The following CHST11 variants were observed in gnomAD, a reference collection of about 807,000 sequenced individuals.
CHST11 encodes the protein carbohydrate sulfotransferase 11.
In CHST11, 9 loss-of-function variants were observed where a neutral mutation model predicts 30.4. That is an observed-to-expected ratio of 0.30 (90% CI 0.18 to 0.52). The LOEUF is 0.52. Among genes scored for constraint, CHST11 ranks in the 20% least tolerant of loss-of-function variants. The pLI is 0.97. For synonymous variants in CHST11, 152 were observed against 187.8 expected, an observed-to-expected ratio of 0.81 and a Z score of 1.56; for missense variants, 348 against 460.6, an observed-to-expected ratio of 0.76 and a Z score of 2.24.
intron 1 of CHST11, among the ~76,000 whole-genome samples, chr12:104,584,175 A>AT (rs1449019938): frequency 6.6e-6 from 1 of 152,028 alleles, no homozygotes; most frequent in African/African-American, 2.4e-5. Flanking sequence ...TTGAGTCATC[A>AT]TTTTTAGTGG....
At chr12:104,756,653 T>G (rs2040478841) in intron 2 of CHST11, among the ~76,000 whole-genome samples, 1 of 151,960 alleles carries the variant, frequency 6.6e-6, no homozygotes, top group Non-Finnish European at 1.5e-5. Flanking sequence ...GCTTAAGTGA[T>G]TCTCCTGCTT....
intron 1 of CHST11, among the ~76,000 whole-genome samples, chr12:104,575,382 G>A (rs944542691): frequency 3.3e-5 from 5 of 152,120 alleles, no homozygotes; most frequent in African/African-American, 1.2e-4. Context: ...TGCCATTAAG[G>A]GATGCAGGAG....
At chr12:104,539,010 G>A (rs2038263503) in intron 1 of CHST11, among the ~76,000 whole-genome samples, 3 of 152,188 alleles carry the variant, frequency 2.0e-5, no homozygotes, top group Non-Finnish European at 4.4e-5. Context: ...AGACACTGAG[G>A]CCAAGAGAGT....
chr12:104,625,486 G>A (rs1275413971), intron 2 of CHST11, among the ~76,000 whole-genome samples: 6 of 152,100 alleles, frequency 3.9e-5, no homozygotes, highest in African/African-American at 9.7e-5. Context: ...TGTGTTTTTA[G>A]TAGAGATGGG....
In CHST11 at chr12:104,734,479, T is replaced by A. The variant is rs137921833; in HGVS notation, c.205-22470T>A. Among the ~76,000 whole-genome samples, 258 of 152,294 alleles carry A rather than the reference T, an allele frequency of 1.7e-3. 1 individual carries two copies. Among genetic ancestry groups the A allele is most frequent in the African/African-American group, 5.6e-3 (232 of 41,550 alleles). On this transcript the variant is annotated intron_variant, in intron 2 of 2. Transcript: ENST00000303694. Reference sequence around the variant, plus strand: ...GAGGTCAGCTTGCCCAAGGCTGTGCTGCTAACAAGGGCAGGGCTGGACCTT... The same window carrying A: ...GAGGTCAGCTTGCCCAAGGCTGTGCAGCTAACAAGGGCAGGGCTGGACCTT...
At chr12:104,488,163 A>G (rs933331937) in intron 1 of CHST11, among the ~76,000 whole-genome samples, 1 of 151,862 alleles carries the variant, frequency 6.6e-6, no homozygotes, top group Non-Finnish European at 1.5e-5. Flanking sequence ...TAATTAAGCT[A>G]GCTTGTTAGG....
chr12:104,520,743 G>T (rs1289094272), intron 1 of CHST11, among the ~76,000 whole-genome samples: 1 of 152,172 alleles, frequency 6.6e-6, no homozygotes, highest in Non-Finnish European at 1.5e-5. Context: ...CAGCATGGGA[G>T]CGGGGATGGC....
intron 1 of CHST11, among the ~76,000 whole-genome samples, chr12:104,483,495 C>T (rs761578907): frequency 3.3e-5 from 5 of 152,182 alleles, no homozygotes; most frequent in Non-Finnish European, 5.9e-5. Flanking sequence ...CGTGAGCCAC[C>T]GTGCCCGGCC....
chr12:104,494,096 C>T (rs2037776115), intron 1 of CHST11, among the ~76,000 whole-genome samples: 2 of 152,174 alleles, frequency 1.3e-5, no homozygotes, highest in African/African-American at 4.8e-5. Context: ...TGTGAGCCAC[C>T]GTGCCTGGCC....
At chr12:104,550,598 G>A (rs2038395456) in intron 1 of CHST11, among the ~76,000 whole-genome samples, 1 of 152,166 alleles carries the variant, frequency 6.6e-6, no homozygotes, top group African/African-American at 2.4e-5. Flanking sequence ...GAAGGATTTG[G>A]CCCACATGCC....
At position 104,526,567 on chromosome 12, in the gene CHST11, T is replaced by C. The variant is rs927453034; in HGVS notation, c.118+69038T>C. Among the ~76,000 whole-genome samples, 13 of 152,272 alleles carry C rather than the reference T, an allele frequency of 8.5e-5. No homozygotes were observed. In the East Asian group the frequency reaches 2.3e-3, roughly 27 times the overall value. On this transcript the variant is annotated intron_variant, in intron 1 of 2. Transcript: ENST00000303694. ...AATGGGCTTCCTGCTGGGGCTTTAT[T>C]TGTGAGGGGTGCTTGTTAGAGGGGG...
At chr12:104,489,715 G>A (rs565189607) in intron 1 of CHST11, among the ~76,000 whole-genome samples, 7 of 152,054 alleles carry the variant, frequency 4.6e-5, no homozygotes, top group African/African-American at 1.7e-4. Flanking sequence ...TACCCACCTC[G>A]GCCTCCCAAA....
intron 2 of CHST11, among the ~76,000 whole-genome samples, chr12:104,681,825 C>CTTTTT (rs149441295): frequency 5.5e-4 from 47 of 85,060 alleles, no homozygotes; most frequent in Middle Eastern, 0.01. Flanking sequence ...GTCTGTTTTG[C>CTTTTT]TTTTTTTTTT....
chr12:104,612,073 T>C (rs928205754), intron 2 of CHST11, among the ~76,000 whole-genome samples: 1 of 152,250 alleles, frequency 6.6e-6, no homozygotes, highest in Non-Finnish European at 1.5e-5. Context: ...TTCTGTAGTG[T>C]GCGGCACGCA....
chr12:104,651,407 G>A (rs1004409271), intron 2 of CHST11, among the ~76,000 whole-genome samples: 25 of 152,154 alleles, frequency 1.6e-4, no homozygotes, highest in African/African-American at 3.1e-4. Flanking sequence ...TGGAGGTGCC[G>A]TGCCGTTCAT....
intron 2 of CHST11, among the ~76,000 whole-genome samples, chr12:104,701,997 C>A (rs2136113674): frequency 6.6e-6 from 1 of 152,360 alleles, no homozygotes. Context: ...AGGCTGGCCT[C>A]ACAGGTTCAT....
At chr12:104,681,992 G>A (rs564583198) in intron 2 of CHST11, among the ~76,000 whole-genome samples, 12 of 151,510 alleles carry the variant, frequency 7.9e-5, no homozygotes, top group South Asian at 4.2e-4. Flanking sequence ...CACCACACCC[G>A]GCTAATTTTT....
chr12:104,609,691 T>A (rs994745697), intron 2 of CHST11, among the ~76,000 whole-genome samples: 1 of 152,186 alleles, frequency 6.6e-6, no homozygotes, highest in African/African-American at 2.4e-5. Context: ...TTGATACCAG[T>A]CTTGCAGGTT....
intron 2 of CHST11, among the ~76,000 whole-genome samples, chr12:104,704,169 G>T (rs190409530): frequency 6.6e-6 from 1 of 152,180 alleles, no homozygotes; most frequent in Admixed American, 6.5e-5. Flanking sequence ...TGAGAGAAAG[G>T]TGACAGCCCG....
Sources: allele counts gnomAD v4.1 joint callset (sites outside exome capture counted in the v4.1 genomes callset), GRCh38; gene constraint gnomAD v4.1.1; transcripts MANE v1.5; gene names NCBI Gene and HGNC (gene_info 2026-07-23, HGNC 2026-07-21).